Variants in GSE1 observed in about 807,000 individuals in gnomAD.
GSE1 encodes Gse1 coiled-coil protein.
A neutral mutation model predicts 112.6 loss-of-function variants in GSE1; 32 were observed. The observed-to-expected ratio is 0.28, with a 90% CI of 0.21 to 0.38. The LOEUF (loss-of-function observed/expected upper bound fraction) is 0.38, where lower values mean the gene tolerates loss of function less well. Among genes scored for constraint, GSE1 ranks in the 10% least tolerant of loss-of-function variants. The pLI, the probability that GSE1 is intolerant of heterozygous loss-of-function variation, is 1.00. For missense variants in GSE1, 2,348 were observed against 1,699.2 expected (o/e 1.38, Z -6.71); for synonymous variants, 1,115 against 735.6 (o/e 1.52, Z -8.35).
intron 2 of GSE1, among the ~76,000 whole-genome samples, chr16:85,538,175 C>T (rs896205007): frequency 6.6e-6 from 1 of 152,240 alleles, no homozygotes; most frequent in East Asian, 1.9e-4. Flanking sequence ...GTTGCCGGGC[C>T]ACCCTAGAGC....
intron 2 of GSE1, among the ~76,000 whole-genome samples, chr16:85,485,819 G>A (rs1477742354): frequency 6.6e-6 from 1 of 152,154 alleles, no homozygotes; most frequent in Admixed American, 6.5e-5. Flanking sequence ...TCCCCCTGCA[G>A]CCCCTACCCA....
Position 85,663,541 on chromosome 16 carries a change from T to A in GSE1, c.2571T>A (p.Ser857Arg), listed in dbSNP as rs1420795949. ...ACAGCCCTGATGAGATGAACAACAG[T>A]CCCAACTTCGAAGAAAAGAAGAAGT... The part of the protein sequence containing the change: ...TRYSPDEMNN[S>R]PNFEEKKKFL... Residue 857 changes from serine to arginine, a missense_variant, in exon 11 of 16, where the codon AGT becomes AGA. By Grantham distance (110) the Ser-to-Arg change is moderately radical. Transcript: ENST00000253458. The A allele has an allele frequency of 1.2e-6, 2 of 1,612,538 alleles. No homozygotes were observed. Among genetic ancestry groups the A allele is most frequent in the Admixed American group, 3.3e-5 (2 of 59,842 alleles).
At chr16:85,404,695 C>T (rs1189576984) in intron 2 of GSE1, among the ~76,000 whole-genome samples, 2 of 58,420 alleles carry the variant, frequency 3.4e-5, no homozygotes, top group East Asian at 7.0e-4. Context: ...CACTCAGGCC[C>T]CCCGGATAAT....
At chr16:85,670,735 TC>T (rs1484418492) in intron 14 of GSE1, 1 of 259,966 alleles carries the variant, frequency 3.8e-6, no homozygotes, top group Admixed American at 5.4e-5. Context: ...TCAAATTTCT[TC>T]CTAATCTGTA....
chr16:85,325,986 A>G lies in GSE1; in HGVS notation c.2284-31477A>G, dbSNP rs2046219500. The stretch of plus-strand genomic sequence containing the variant: ...CTGGTCTCGAACTCCTGACCTCATG[A>G]TCCACCCGCCTCAGCCTCCCAAAGT... On this transcript the variant is annotated intron_variant, in intron 1 of 2. Coordinates refer to the GSE1 transcript ENST00000637419. 2.0e-5 allele frequency among the ~76,000 whole-genome samples: 3 copies of G among 151,988 alleles called. No individual in the cohort carries two copies. The South Asian group carries it at 6.2e-4, about 32-fold the overall frequency.
At chr16:85,288,379 A>T (rs1212199812) in intron 1 of GSE1, among the ~76,000 whole-genome samples, 1 of 152,236 alleles carries the variant, frequency 6.6e-6, no homozygotes, top group African/African-American at 2.4e-5. Flanking sequence ...AATACAGCCA[A>T]CCTGGGCAGA....
At chr16:85,499,132 A>AGTAT (rs71781508) in intron 2 of GSE1, among the ~76,000 whole-genome samples, 11,272 of 152,000 alleles carry the variant, frequency 0.074, 809 homozygotes, top group East Asian at 0.38. Context: ...GTATCCCCTG[A>AGTAT]GTATGAGTAG....
intron 2 of GSE1, among the ~76,000 whole-genome samples, chr16:85,421,035 A>G (rs2048831330): frequency 6.6e-6 from 1 of 152,228 alleles, no homozygotes; most frequent in Non-Finnish European, 1.5e-5. Flanking sequence ...AATGGGAATC[A>G]TAACAGAGCC....
intron 1 of GSE1, among the ~76,000 whole-genome samples, chr16:85,240,141 T>C (rs1409665159): frequency 4.6e-5 from 7 of 152,224 alleles, no homozygotes; most frequent in Non-Finnish European, 2.9e-5. Context: ...TAGGTGTTGT[T>C]CTCCAAGCGT....
At chr16:85,578,051 C>T (rs890377994) in intron 1 of GSE1, among the ~76,000 whole-genome samples, 3 of 152,330 alleles carry the variant, frequency 2.0e-5, no homozygotes, top group Non-Finnish European at 2.9e-5. Flanking sequence ...TGTTCTCCTG[C>T]GAGGAGGCTG....
chr16:85,572,543 CACA>C (rs1361419542), intron 1 of GSE1, among the ~76,000 whole-genome samples: 2 of 150,852 alleles, frequency 1.3e-5, no homozygotes, highest in Non-Finnish European at 2.9e-5. Context: ...TACACGTGCA[CACA>C]ACACACAACA....
At chr16:85,421,693 C>G (rs1552264) in intron 2 of GSE1, among the ~76,000 whole-genome samples, 105,494 of 151,838 alleles carry the variant, frequency 0.69, 37,169 homozygotes, top group East Asian at 0.87. Flanking sequence ...TTTGTTCCTG[C>G]CTGGAGGGAG....
intron 2 of GSE1, among the ~76,000 whole-genome samples, chr16:85,413,549 C>T (rs778664037): frequency 5.9e-5 from 9 of 152,108 alleles, no homozygotes; most frequent in African/African-American, 2.2e-4. Context: ...CTTCCTTCAA[C>T]CCATGTCAGT....
intron 1 of GSE1, among the ~76,000 whole-genome samples, chr16:85,234,416 A>T (rs756049296): frequency 6.6e-6 from 1 of 152,174 alleles, no homozygotes; most frequent in Non-Finnish European, 1.5e-5. Flanking sequence ...GTGAGTGAGC[A>T]CAGGGACCGC....
At chr16:85,499,861 C>T (rs2051304721) in intron 2 of GSE1, among the ~76,000 whole-genome samples, 1 of 152,076 alleles carries the variant, frequency 6.6e-6, no homozygotes, top group Non-Finnish European at 1.5e-5. Flanking sequence ...CTGTTACAGC[C>T]CAAGCATCAC....
chr16:85,171,391 T>C, exon 1 of GSE1: 1 of 985,672 alleles, frequency 1.0e-6, no homozygotes, highest in Non-Finnish European at 1.2e-6. Context: ...GGAGCCCTTC[T>C]TCCCCTTCCT....
At chr16:85,518,978 G>A (rs75120050) in intron 2 of GSE1, among the ~76,000 whole-genome samples, 32 of 152,026 alleles carry the variant, frequency 2.1e-4, no homozygotes, top group Non-Finnish European at 4.0e-4. Flanking sequence ...GTTGAGAAGC[G>A]CACTCTGGAC....
At chr16:85,343,235 C>T (rs1017204460) in intron 1 of GSE1, among the ~76,000 whole-genome samples, 20 of 152,272 alleles carry the variant, frequency 1.3e-4, no homozygotes, top group Admixed American at 1.2e-3. Context: ...CCGCGCTGAA[C>T]GGGAAGGCCA....
intron 1 of GSE1, among the ~76,000 whole-genome samples, chr16:85,234,983 A>T (rs189738412): frequency 6.6e-6 from 1 of 151,946 alleles, no homozygotes; most frequent in Non-Finnish European, 1.5e-5. Flanking sequence ...AGAGAGGCCA[A>T]TCTGGGCCCT....
Sources: allele counts gnomAD v4.1 joint callset (sites outside exome capture counted in the v4.1 genomes callset), GRCh38; gene constraint gnomAD v4.1.1; transcripts MANE v1.5; gene names NCBI Gene and HGNC (gene_info 2026-07-23, HGNC 2026-07-21).